The following GLMN variants were observed in gnomAD, a reference collection of about 807,000 sequenced individuals.
The protein encoded by GLMN is glomulin, FKBP associated protein.
GLMN carries 75 observed loss-of-function variants against 87.8 expected under a neutral mutation model. The observed-to-expected ratio is 0.85, with a 90% CI of 0.71 to 1.04. The LOEUF (loss-of-function observed/expected upper bound fraction) is 1.04. GLMN is among the 50% of genes least tolerant of loss of function. The pLI is 0.00. For missense variants in GLMN, 588 were observed against 658.8 expected (o/e 0.89, Z 1.18); for synonymous variants, 206 against 221.6 (o/e 0.93, Z 0.63).
At chr1:92,351,612 C>T in the GLMN span, among the ~76,000 whole-genome samples, 1 of 152,090 alleles carries the variant, frequency 6.6e-6, no homozygotes, top group African/African-American at 2.4e-5. Context: ...CTTCTGTGAC[C>T]TCTGTCAGTA....
chr1:92,342,022 T>A, the GLMN span, among the ~76,000 whole-genome samples: 2 of 152,226 alleles, frequency 1.3e-5, no homozygotes, highest in Admixed American at 1.3e-4. Flanking sequence ...GGCTATATGC[T>A]AGATACTGTT....
chr1:92,276,768 G>A (rs913863743), intron 7 of GLMN, among the ~76,000 whole-genome samples: 1 of 152,144 alleles, frequency 6.6e-6, no homozygotes. Flanking sequence ...CATCCTTAAA[G>A]ACTTACAGAT....
At chr1:92,307,357 A>T in the GLMN span, 1 of 917,186 alleles carries the variant, frequency 1.1e-6, no homozygotes, top group Non-Finnish European at 1.6e-6. Context: ...GCTGAGAGTA[A>T]GTCTAGTTTT....
At chr1:92,328,401 G>A in the GLMN span, among the ~76,000 whole-genome samples, 2 of 152,132 alleles carry the variant, frequency 1.3e-5, no homozygotes, top group Non-Finnish European at 2.9e-5. Context: ...GCCTTGTCTT[G>A]AAGCTCTGAA....
At chr1:92,324,409 G>A in the GLMN span, 13 of 1,493,962 alleles carry the variant, frequency 8.7e-6, no homozygotes, top group African/African-American at 5.6e-5. Context: ...TTTCCAGATC[G>A]TTAACATTTG....
At chr1:92,370,170 C>T in the GLMN span, among the ~76,000 whole-genome samples, 2 of 152,188 alleles carry the variant, frequency 1.3e-5, no homozygotes, top group Non-Finnish European at 2.9e-5. Flanking sequence ...CAGGCATGAG[C>T]CACTGTGCCC....
the GLMN span, among the ~76,000 whole-genome samples, chr1:92,318,760 T>C: frequency 3.3e-5 from 5 of 152,308 alleles, no homozygotes; most frequent in African/African-American, 9.6e-5. Context: ...TATCCTTTCA[T>C]ATTGATTATT....
intron 3 of GLMN, among the ~76,000 whole-genome samples, chr1:92,295,580 C>G (rs1649952857): frequency 6.6e-6 from 1 of 152,246 alleles, no homozygotes; most frequent in African/African-American, 2.4e-5. Flanking sequence ...GAAACCCAGT[C>G]ATTTTTGATG....
intron 16 of GLMN, among the ~76,000 whole-genome samples, chr1:92,257,912 T>C (rs184971181): frequency 1.8e-4 from 27 of 151,790 alleles, no homozygotes; most frequent in African/African-American, 5.6e-4. Flanking sequence ...AATGGACAAA[T>C]GGGATCTAAT....
At chr1:92,300,286 G>A, upstream of GLMN, 3 of 1,393,084 alleles carry the variant, frequency 2.2e-6, no homozygotes, top group Non-Finnish European at 2.0e-6. Context: ...TACTTATCTT[G>A]TATTACTTGT....
intron 4 of GLMN, 94 bp downstream of exon 4, chr1:92,291,324 A>G (rs1649376953): frequency 8.6e-7 from 1 of 1,163,172 alleles, no homozygotes; most frequent in Non-Finnish European, 1.3e-6. Flanking sequence ...ACTTTCATGA[A>G]CCAAAAGCTT....
chr1:92,335,678 A>G, the GLMN span, among the ~76,000 whole-genome samples: 1 of 152,180 alleles, frequency 6.6e-6, no homozygotes, highest in African/African-American at 2.4e-5. Flanking sequence ...TTCACTTCAC[A>G]TCTATCATGA....
chr1:92,345,408 G>C, the GLMN span, among the ~76,000 whole-genome samples: 1 of 127,330 alleles, frequency 7.9e-6, no homozygotes, highest in Non-Finnish European at 1.6e-5. Flanking sequence ...AAAAGAGAGA[G>C]AGAGAAGAAA....
chr1:92,347,768 ACTT>A, the GLMN span, among the ~76,000 whole-genome samples: 325 of 152,256 alleles, frequency 2.1e-3, no homozygotes, highest in African/African-American at 7.4e-3. Flanking sequence ...GCACTGTTTG[ACTT>A]CTTTAACTTT....
intron 7 of GLMN, among the ~76,000 whole-genome samples, chr1:92,277,353 A>G (rs1419145347): frequency 6.6e-6 from 1 of 152,222 alleles, no homozygotes; most frequent in Non-Finnish European, 1.5e-5. Flanking sequence ...CATCTGTGAT[A>G]CTGTGACATA....
chr1:92,352,204 T>C, the GLMN span, among the ~76,000 whole-genome samples: 5 of 152,212 alleles, frequency 3.3e-5, no homozygotes, highest in African/African-American at 1.2e-4. Context: ...GCAGAGACCA[T>C]ACAATAGTTT....
At chr1:92,324,382 C>G in the GLMN span, 1 of 1,590,062 alleles carries the variant, frequency 6.3e-7, no homozygotes, top group Non-Finnish European at 8.6e-7. Flanking sequence ...AGAGGTATGT[C>G]TTACAGACAT....
At chr1:92,275,883 CT>C (rs375544126) in intron 7 of GLMN, among the ~76,000 whole-genome samples, 750 of 152,194 alleles carry the variant, frequency 4.9e-3, no homozygotes, top group African/African-American at 0.017. Flanking sequence ...CTCCTGAGCC[CT>C]TTTCTCTTGT....
chr1:92,299,102 C>T (rs1304659601), upstream of GLMN: 4 of 1,520,644 alleles, frequency 2.6e-6, no homozygotes, highest in East Asian at 1.0e-4. Context: ...CCGTCTTCTG[C>T]CGGCCGCAAG....
Sources: allele counts gnomAD v4.1 joint callset (sites outside exome capture counted in the v4.1 genomes callset), GRCh38; gene constraint gnomAD v4.1.1; transcripts MANE v1.5; gene names NCBI Gene and HGNC (gene_info 2026-07-23, HGNC 2026-07-21).